PCDH15: variants seen among roughly 807,000 people sequenced by gnomAD.
PCDH15 encodes the protein protocadherin-15.
A neutral mutation model predicts 178.5 loss-of-function variants in PCDH15; 129 were observed. That is an observed-to-expected ratio of 0.72 (90% CI 0.63 to 0.84). PCDH15 has a LOEUF of 0.84. Among genes scored for constraint, PCDH15 ranks in the 40% least tolerant of loss-of-function variants. The pLI is 0.00. For missense variants in PCDH15, 2,230 were observed against 2,099.9 expected (o/e 1.06, Z -1.21); for synonymous variants, 800 against 732.0 (o/e 1.09, Z -1.50).
intron 5 of PCDH15, among the ~76,000 whole-genome samples, chr10:54,362,631 C>T (rs1014279888): frequency 5.9e-5 from 9 of 151,952 alleles, no homozygotes; most frequent in Non-Finnish European, 7.4e-5. Context: ...GGACCCTTTG[C>T]GTTGATCCTT....
chr10:54,186,177 AAG>A (rs981714538), intron 11 of PCDH15, among the ~76,000 whole-genome samples: 14 of 152,030 alleles, frequency 9.2e-5, no homozygotes, highest in African/African-American at 3.1e-4. Context: ...GGCTTTGAAA[AAG>A]AGAGAAAGGA....
intron 2 of PCDH15, among the ~76,000 whole-genome samples, chr10:55,017,787 T>C (rs751791390): frequency 6.6e-6 from 1 of 152,052 alleles, no homozygotes; most frequent in African/African-American, 2.4e-5. Context: ...AATGGGATAG[T>C]ATACCTCCAA....
chr10:55,091,449 A>G (rs1842314812), intron 2 of PCDH15, among the ~76,000 whole-genome samples: 2 of 146,892 alleles, frequency 1.4e-5, no homozygotes, highest in South Asian at 4.3e-4. Flanking sequence ...TGCTAATGCT[A>G]TAGTAGAGGT....
At chr10:53,871,213 C>A (rs886471174) in intron 26 of PCDH15, among the ~76,000 whole-genome samples, 1 of 150,482 alleles carries the variant, frequency 6.6e-6, no homozygotes, top group Non-Finnish European at 1.5e-5. Context: ...TCGTGGCAGG[C>A]ACCTGTAGTC....
At chr10:54,372,243 T>C (rs965502665) in intron 4 of PCDH15, among the ~76,000 whole-genome samples, 14 of 151,838 alleles carry the variant, frequency 9.2e-5, no homozygotes, top group South Asian at 2.1e-4. Flanking sequence ...CTAATTCTAC[T>C]TGGAGTGGTA....
chr10:53,891,644 C>T (rs2081559160), intron 26 of PCDH15, among the ~76,000 whole-genome samples: 2 of 152,066 alleles, frequency 1.3e-5, no homozygotes, highest in South Asian at 4.1e-4. Context: ...AGTCCTTAAA[C>T]TCTCTACTTT....
chr10:55,062,622 G>A (rs969286268), intron 2 of PCDH15, among the ~76,000 whole-genome samples: 1 of 152,144 alleles, frequency 6.6e-6, no homozygotes, highest in Admixed American at 6.6e-5. Flanking sequence ...AGGATTTTTA[G>A]GGTAGTGAAA....
intron 10 of PCDH15, among the ~76,000 whole-genome samples, chr10:54,199,392 T>G (rs1174079067): frequency 6.6e-6 from 1 of 151,868 alleles, no homozygotes; most frequent in Non-Finnish European, 1.5e-5. Flanking sequence ...CAGACTCAGG[T>G]CTCCTGATTT....
intron 17 of PCDH15, among the ~76,000 whole-genome samples, chr10:54,073,257 G>T (rs577330172): frequency 6.3e-4 from 94 of 150,304 alleles, no homozygotes; most frequent in African/African-American, 2.1e-3. Flanking sequence ...TAGAACTATA[G>T]ATATAAATAT....
chr10:55,593,054 G>A (rs1842873437), intron 2 of PCDH15, among the ~76,000 whole-genome samples: 1 of 151,902 alleles, frequency 6.6e-6, no homozygotes, highest in South Asian at 2.1e-4. Context: ...TTCTTTAGAA[G>A]TGAATATTGA....
At chr10:53,865,076 G>C (rs2079357110) in intron 27 of PCDH15, among the ~76,000 whole-genome samples, 1 of 152,020 alleles carries the variant, frequency 6.6e-6, no homozygotes, top group Non-Finnish European at 1.5e-5. Context: ...ACTTTGACCT[G>C]GGTGATAGAA....
chr10:54,712,413 A>G (rs2095435975), intron 1 of PCDH15, among the ~76,000 whole-genome samples: 1 of 151,980 alleles, frequency 6.6e-6, no homozygotes, highest in Non-Finnish European at 1.5e-5. Flanking sequence ...AGACATATGA[A>G]GAAATACTAC....
intron 4 of PCDH15, among the ~76,000 whole-genome samples, chr10:54,374,752 T>A (rs1267882626): frequency 1.3e-5 from 2 of 152,064 alleles, no homozygotes; most frequent in African/African-American, 4.8e-5. Context: ...AGGGAAAATC[T>A]TATAAACCAA....
chr10:55,448,071 A>G (rs1839356106), intron 2 of PCDH15, among the ~76,000 whole-genome samples: 1 of 152,026 alleles, frequency 6.6e-6, no homozygotes, highest in Admixed American at 6.6e-5. Context: ...ACTATTCAAC[A>G]TCTAAATCTG....
At chr10:55,485,307 G>T (rs1171155242) in intron 2 of PCDH15, among the ~76,000 whole-genome samples, 1 of 151,658 alleles carries the variant, frequency 6.6e-6, no homozygotes, top group African/African-American at 2.4e-5. Flanking sequence ...TTATTGGAAT[G>T]CTAAGTGTGT....
At chr10:54,314,849 C>T (rs1326225820) in intron 8 of PCDH15, among the ~76,000 whole-genome samples, 1 of 152,132 alleles carries the variant, frequency 6.6e-6, no homozygotes, top group African/African-American at 2.4e-5. Flanking sequence ...CATCTATGTT[C>T]CCGCAAAAGA....
At chr10:55,149,180 C>A (rs894255102) in intron 2 of PCDH15, among the ~76,000 whole-genome samples, 11 of 148,348 alleles carry the variant, frequency 7.4e-5, no homozygotes, top group East Asian at 5.9e-4. Context: ...TGACAGAAAA[C>A]ATGATTATTT....
chr10:53,881,365 C>T (rs561296022), intron 26 of PCDH15, among the ~76,000 whole-genome samples: 2 of 151,916 alleles, frequency 1.3e-5, no homozygotes, highest in East Asian at 1.9e-4. Context: ...ACTATTAGGG[C>T]GATGGTTACA....
intron 28 of PCDH15, among the ~76,000 whole-genome samples, chr10:53,851,667 T>C (rs1293908177): frequency 8.9e-6 from 1 of 112,230 alleles, no homozygotes; most frequent in Non-Finnish European, 1.8e-5. Flanking sequence ...ATTATCCTCC[T>C]AGAAATATAT....
Sources: allele counts gnomAD v4.1 joint callset (sites outside exome capture counted in the v4.1 genomes callset), GRCh38; gene constraint gnomAD v4.1.1; transcripts MANE v1.5; gene names NCBI Gene and HGNC (gene_info 2026-07-23, HGNC 2026-07-21).